Variants in PCDH15 observed in about 807,000 individuals in gnomAD.
PCDH15 encodes the protein protocadherin related 15, also known as protocadherin-15.
Under a neutral mutation model 178.5 loss-of-function variants are expected in PCDH15, and 129 were observed. The ratio of observed to expected loss-of-function variants is 0.72; its 90% CI spans 0.63 to 0.84. The LOEUF (loss-of-function observed/expected upper bound fraction) is 0.84, where lower values mean the gene tolerates loss of function less well. Among genes scored for constraint, PCDH15 ranks in the 40% least tolerant of loss-of-function variants. The probability of loss-of-function intolerance (pLI) is 0.00; values close to 1 mark genes in which losing one functional copy is unlikely to be tolerated. For synonymous variants in PCDH15, 800 were observed against 732.0 expected (o/e 1.09, Z -1.50); for missense variants, 2,230 against 2,099.9 (o/e 1.06, Z -1.21).
At chr10:54,911,337 T>G (rs1209558246) in intron 2 of PCDH15, among the ~76,000 whole-genome samples, 1 of 152,296 alleles carries the variant, frequency 6.6e-6, no homozygotes, top group Admixed American at 6.5e-5. Flanking sequence ...GTTATAAGTT[T>G]TAGAAATCCT....
rs58458871 is a variant in PCDH15 at position 53,849,860 on chromosome 10, C to CAAAAA, written c.3806+7310_3806+7314dup. Among the ~76,000 whole-genome samples, 200 of 52,548 alleles carry CAAAAA rather than the reference C, an allele frequency of 3.8e-3. 2 individuals are homozygous for CAAAAA. Among genetic ancestry groups the CAAAAA allele is most frequent in the Non-Finnish European group, 4.9e-3 (123 of 25,088 alleles). 34.5% of individuals were successfully genotyped at this position (52,548 alleles called of 152,430 possible). On this transcript the variant is annotated intron_variant, in intron 28 of 37. Coordinates refer to ENST00000644397, the MANE Select transcript of PCDH15 (RefSeq NM_001384140.1). ...TGTGCGACAGAGGAAGGCTCCGTCTCAAAAAAAAAAAAAAAAAAAAAAAGA... is the reference window on the plus strand; with the variant it reads ...TGTGCGACAGAGGAAGGCTCCGTCTCAAAAAAAAAAAAAAAAAAAAAAAAAAAAGA...
intron 1 of PCDH15, among the ~76,000 whole-genome samples, chr10:55,226,844 A>G (rs1841060322): frequency 6.6e-6 from 1 of 152,030 alleles, no homozygotes; most frequent in South Asian, 2.1e-4. Flanking sequence ...AGGAGAACAA[A>G]AAGATAGATA....
At chr10:54,712,634 T>C (rs1235254707) in intron 1 of PCDH15, among the ~76,000 whole-genome samples, 2 of 151,880 alleles carry the variant, frequency 1.3e-5, no homozygotes, top group East Asian at 3.9e-4. Flanking sequence ...GGGCTTTGGG[T>C]GTACAAAACT....
chr10:55,337,025 GTCTC>G lies in PCDH15; in HGVS notation c.-155-170378_-155-170375del, dbSNP rs1844414812. The stretch of plus-strand genomic sequence containing the variant: ...ACTCCCTCAATTGTAACAGCTAAAA[GTCTC>G]TCCGTTCAGTGTCAAATACCCACGA... On this transcript the variant is annotated intron_variant, in intron 2 of 5. Transcript: ENST00000613346. Among the ~76,000 whole-genome samples, 9 of 152,182 alleles carry G rather than the reference GTCTC, an allele frequency of 5.9e-5. No homozygotes were observed. The South Asian group carries it at 1.9e-3, about 32-fold the overall frequency.
intron 8 of PCDH15, among the ~76,000 whole-genome samples, chr10:54,309,246 T>A (rs1291308288): frequency 6.6e-6 from 1 of 151,818 alleles, no homozygotes; most frequent in Non-Finnish European, 1.5e-5. Context: ...CTAGACTGTA[T>A]AAAATAAATA....
At chr10:54,439,069 T>G (rs2075625557) in intron 3 of PCDH15, among the ~76,000 whole-genome samples, 1 of 151,978 alleles carries the variant, frequency 6.6e-6, no homozygotes, top group Non-Finnish European at 1.5e-5. Flanking sequence ...TAAACAAAAA[T>G]CTGAGACATA....
Position 53,924,782 on chromosome 10 carries a change from G to A in PCDH15, c.3373+14033C>T, listed in dbSNP as rs149598643. On this transcript the variant is annotated intron_variant, in intron 25 of 37. Transcript: ENST00000644397. ...CTACCTAATCTGGTGGGGACTTGGA[G>A]AACCTTTATGTCTAGCTAAGGGACT... is the stretch of plus-strand genomic sequence containing the variant. 2.1e-3 allele frequency among the ~76,000 whole-genome samples: 316 copies of A among 152,316 alleles called. 1 individual carries two copies. The highest frequency in any genetic ancestry group is 7.0e-3 in the African/African-American group (290 of 41,574).
chr10:55,345,925 C>T (rs371015374), intron 2 of PCDH15, among the ~76,000 whole-genome samples: 3 of 152,024 alleles, frequency 2.0e-5, no homozygotes, highest in East Asian at 1.9e-4. Context: ...TGGATATTAA[C>T]AGTCATTAGA....
chr10:55,192,131 C>G (rs901977600), intron 1 of PCDH15, among the ~76,000 whole-genome samples: 2 of 151,648 alleles, frequency 1.3e-5, no homozygotes, highest in Non-Finnish European at 1.5e-5. Context: ...CAATGTGGAA[C>G]AGGCACTCCA....
chr10:55,470,615 T>C (rs541413264), intron 2 of PCDH15, among the ~76,000 whole-genome samples: 2 of 152,320 alleles, frequency 1.3e-5, no homozygotes, highest in African/African-American at 4.8e-5. Flanking sequence ...CATCTCTTTG[T>C]TGAGTGGTGC....
chr10:54,808,635 A>T (rs944844741), intron 3 of PCDH15, among the ~76,000 whole-genome samples: 1 of 152,218 alleles, frequency 6.6e-6, no homozygotes, highest in Non-Finnish European at 1.5e-5. Flanking sequence ...CTAGTTCCAA[A>T]ATGTATAAAA....
At chr10:54,472,211 T>A (rs1374685772) in intron 3 of PCDH15, among the ~76,000 whole-genome samples, 1 of 151,538 alleles carries the variant, frequency 6.6e-6, no homozygotes, top group Non-Finnish European at 1.5e-5. Context: ...AATGTTGTTT[T>A]AACATGTTTC....
At chr10:54,561,341 A>T (rs2088115410) in intron 2 of PCDH15, among the ~76,000 whole-genome samples, 1 of 152,152 alleles carries the variant, frequency 6.6e-6, no homozygotes, top group Non-Finnish European at 1.5e-5. Context: ...TAATGAACAA[A>T]GTTCAAAAGT....
At chr10:54,852,919 AT>A (rs1953650540) in intron 3 of PCDH15, among the ~76,000 whole-genome samples, 1 of 151,712 alleles carries the variant, frequency 6.6e-6, no homozygotes, top group African/African-American at 2.4e-5. Context: ...ATTTTAGTTA[AT>A]TTGGTATACA....
At chr10:54,303,252 T>C (rs11004209) in intron 8 of PCDH15, among the ~76,000 whole-genome samples, 16,796 of 152,050 alleles carry the variant, frequency 0.11, 987 homozygotes, top group Middle Eastern at 0.19. Context: ...AATCTCTGTA[T>C]GCATTTTTTT....
At chr10:55,015,136 A>G (rs1000232426) in intron 2 of PCDH15, among the ~76,000 whole-genome samples, 2 of 152,120 alleles carry the variant, frequency 1.3e-5, no homozygotes, top group African/African-American at 4.8e-5. Context: ...TGAGGGGATC[A>G]CTTGAGCCCA....
intron 2 of PCDH15, among the ~76,000 whole-genome samples, chr10:55,581,500 A>T (rs200203959): frequency 6.6e-6 from 1 of 151,934 alleles, no homozygotes; most frequent in East Asian, 2.0e-4. Flanking sequence ...TTTTTTTTAA[A>T]TGTAAATTTT....
At chr10:55,385,933 T>C (rs1428480278) in intron 2 of PCDH15, among the ~76,000 whole-genome samples, 1 of 151,500 alleles carries the variant, frequency 6.6e-6, no homozygotes, top group Non-Finnish European at 1.5e-5. Context: ...ATAAATAGCA[T>C]TGTTCTCAGA....
At chr10:55,609,017 C>T (rs554582126) in intron 2 of PCDH15, among the ~76,000 whole-genome samples, 219 of 113,380 alleles carry the variant, frequency 1.9e-3, no homozygotes, top group African/African-American at 5.2e-3. Context: ...TATATATATA[C>T]ACACACACAC....
Sources: allele counts gnomAD v4.1 joint callset (sites outside exome capture counted in the v4.1 genomes callset), GRCh38; gene constraint gnomAD v4.1.1; transcripts MANE v1.5; gene names NCBI Gene and HGNC (gene_info 2026-07-23, HGNC 2026-07-21).